FZD3: variants seen among roughly 807,000 people sequenced by gnomAD.
FZD3 encodes frizzled class receptor 3.
Under a neutral mutation model 60.7 loss-of-function variants are expected in FZD3, and 30 were observed. The observed-to-expected ratio is 0.49, with a 90% confidence interval of 0.37 to 0.67. The LOEUF (loss-of-function observed/expected upper bound fraction) is 0.67. Among genes scored for constraint, FZD3 ranks in the 30% least tolerant of loss-of-function variants. FZD3 has a pLI of 0.00. For synonymous variants in FZD3, 246 were observed against 275.2 expected (o/e 0.89, Z 1.05); for missense variants, 605 against 838.7 (o/e 0.72, Z 3.44).
intron 7 of FZD3, among the ~76,000 whole-genome samples, chr8:28,557,977 A>G (rs1805543438): frequency 6.6e-6 from 1 of 152,212 alleles, no homozygotes; most frequent in Admixed American, 6.5e-5. Flanking sequence ...AAGAGATGGC[A>G]CTTCTACATT....
chr8:28,532,410 C>T (rs1306198564), intron 5 of FZD3, among the ~76,000 whole-genome samples: 2 of 152,090 alleles, frequency 1.3e-5, no homozygotes, highest in Non-Finnish European at 2.9e-5. Context: ...TGATGGTGTA[C>T]AGGCATGCCA....
intron 7 of FZD3, among the ~76,000 whole-genome samples, chr8:28,558,223 A>T (rs910185300): frequency 6.6e-6 from 1 of 152,208 alleles, no homozygotes; most frequent in African/African-American, 2.4e-5. Flanking sequence ...TAGAAAAATC[A>T]CTTGGCAATA....
rs1804740380 is a variant in FZD3, at chr8:28,527,362, T to C, written c.602T>C (p.Phe201Ser). 2.5e-6 allele frequency: 4 copies of C among 1,613,698 alleles called. No individual in the cohort carries two copies. The Admixed American group carries it at 5.0e-5, about 20-fold the overall frequency. ...TACTTCAGAAGAGAAGAACTGTCATTTGCTCGCTATTTCATAGGATTGATT... is the reference window on the plus strand; with the variant it reads ...TACTTCAGAAGAGAAGAACTGTCATCTGCTCGCTATTTCATAGGATTGATT... ...NMYFRREELS[F>S]ARYFIGLISI... Residue 201 changes from phenylalanine (F) to serine (S), a missense_variant, in exon 5 of 8, where the codon TTT becomes TCT. Transcript: ENST00000240093. This position sits in a 1 kb window ranked among gnomAD's most constrained non-coding sequence, Gnocchi z 5.0.
intron 3 of FZD3, among the ~76,000 whole-genome samples, chr8:28,507,974 C>T (rs1014835940): frequency 4.6e-5 from 7 of 152,112 alleles, no homozygotes; most frequent in Admixed American, 2.6e-4. Context: ...TCACTGTAGC[C>T]TGAAGCTCCT....
rs1049363571 is a variant in FZD3 at position 28,569,397 on chromosome 8, G to A, written c.*6386G>A. 4.6e-5 allele frequency: 7 copies of A among 151,424 alleles called. No individual in the cohort carries two copies. The highest frequency in any genetic ancestry group is 1.7e-4 in the African/African-American group (7 of 41,186). 9.4% of individuals were successfully genotyped at this position (151,424 alleles called of 1,614,324 possible). A position where few individuals can be genotyped will look rare whatever the true frequency, so the allele number is the denominator to read the frequency against. ...AGTTAGCTGTGTAACTTTGGATAAG[G>A]CATTTTATCTCGTGGTGCCTCCATT... On this transcript the variant is annotated 3_prime_UTR_variant, in exon 8 of 8. Coordinates refer to ENST00000240093, the MANE Select transcript of FZD3 (RefSeq NM_017412.4).
chr8:28,495,885 A>G (rs563311002), intron 1 of FZD3, among the ~76,000 whole-genome samples: 1 of 152,236 alleles, frequency 6.6e-6, no homozygotes, highest in Non-Finnish European at 1.5e-5. Flanking sequence ...TAGGAAAATA[A>G]GTAAATTACT....
intron 3 of FZD3, among the ~76,000 whole-genome samples, chr8:28,506,474 C>G (rs866005259): frequency 3.3e-5 from 5 of 152,188 alleles, no homozygotes; most frequent in African/African-American, 7.2e-5. Context: ...TTCTTTGTTG[C>G]CTGTCACCCT....
chr8:28,540,274 G>A (rs557409749), intron 5 of FZD3, among the ~76,000 whole-genome samples: 184 of 152,284 alleles, frequency 1.2e-3, no homozygotes, highest in Middle Eastern at 3.4e-3. Context: ...CTGTTACCCA[G>A]GCTGGAGTGC....
At position 28,529,494 on chromosome 8, in the gene FZD3, A is replaced by G. The variant is rs139326643; in HGVS notation, c.1404+1330A>G. ...TAAAGACATTCTGTAGATGATAGTA[A>G]TGATATTGTGGGTATATTGCTTGAG... is the stretch of plus-strand genomic sequence containing the variant. On this transcript the variant is annotated intron_variant, in intron 5 of 7. Coordinates refer to ENST00000240093, the MANE Select transcript of FZD3 (RefSeq NM_017412.4). Among the ~76,000 whole-genome samples the G allele has an allele frequency of 5.3e-3, 812 of 152,298 alleles. 6 individuals are homozygous for G. The highest frequency in any genetic ancestry group is 0.018 in the African/African-American group (753 of 41,562).
chr8:28,531,409 A>G (rs1285037640), intron 5 of FZD3, among the ~76,000 whole-genome samples: 2 of 152,136 alleles, frequency 1.3e-5, no homozygotes, highest in Non-Finnish European at 2.9e-5. Context: ...TCATTTATTG[A>G]TGAATTATAT....
At chr8:28,543,086 T>C (rs938197603) in intron 5 of FZD3, among the ~76,000 whole-genome samples, 1 of 152,324 alleles carries the variant, frequency 6.6e-6, no homozygotes, top group African/African-American at 2.4e-5. Flanking sequence ...AAAAAGTGAT[T>C]TGACTTATGT....
At chr8:28,520,876 C>T (rs372232529) in intron 4 of FZD3, 42 bp downstream of exon 4, 27 of 1,317,762 alleles carry the variant, frequency 2.0e-5, no homozygotes, top group Non-Finnish European at 2.6e-5. Flanking sequence ...TCTTATGTTG[C>T]AATATGTTTA....
At position 28,533,774 on chromosome 8, in the gene FZD3, A is replaced by AT. The variant is rs918662204; in HGVS notation, c.1404+5619dup. Among the ~76,000 whole-genome samples, 34 of 151,420 alleles carry AT rather than the reference A, an allele frequency of 2.2e-4. No individual in the cohort carries two copies. In the East Asian group the frequency reaches 2.7e-3, roughly 12 times the overall value. On this transcript the variant is annotated intron_variant, in intron 5 of 7. Transcript: ENST00000240093. The stretch of plus-strand genomic sequence containing the variant: ...GTTTTAAAAATTCCCTCCAACGTGT[A>AT]TTTTTTTTTCTAGGATTTCCTTTCT...
intron 2 of FZD3, among the ~76,000 whole-genome samples, chr8:28,501,899 AT>A (rs1182161264): frequency 6.6e-6 from 1 of 152,238 alleles, no homozygotes; most frequent in Admixed American, 6.5e-5. Flanking sequence ...TGTCTAAAAA[AT>A]AATATAATAT....
At chr8:28,524,542 G>T (rs570668057) in intron 4 of FZD3, among the ~76,000 whole-genome samples, 4 of 152,042 alleles carry the variant, frequency 2.6e-5, no homozygotes, top group African/African-American at 9.7e-5. Flanking sequence ...AAATGATTCA[G>T]TCCATCATGT....
At chr8:28,532,620 G>T (rs770976895) in intron 5 of FZD3, among the ~76,000 whole-genome samples, 1 of 151,740 alleles carries the variant, frequency 6.6e-6, no homozygotes, top group East Asian at 1.9e-4. Context: ...TAGAGATGGG[G>T]TCTCCCTGTG....
At position 28,524,832 on chromosome 8, in the gene FZD3, A is replaced by T. The variant is rs1334032869; in HGVS notation, c.387-2315A>T. ...AACCTATATCCAGTAGCCATTGGAAATCTGGCCTCGGTTTGTCTCCACGAC... is the reference window on the plus strand; with the variant it reads ...AACCTATATCCAGTAGCCATTGGAATTCTGGCCTCGGTTTGTCTCCACGAC... On this transcript the variant is annotated intron_variant, in intron 4 of 7. Coordinates refer to ENST00000240093, the MANE Select transcript of FZD3 (RefSeq NM_017412.4). 5.3e-5 allele frequency among the ~76,000 whole-genome samples: 8 copies of T among 152,316 alleles called. No homozygotes were observed. In the East Asian group the frequency reaches 1.4e-3, roughly 26 times the overall value.
At chr8:28,515,176 C>CA (rs1348806121) in intron 3 of FZD3, among the ~76,000 whole-genome samples, 5 of 152,140 alleles carry the variant, frequency 3.3e-5, no homozygotes, top group Admixed American at 3.3e-4. Context: ...GCATTTTGAA[C>CA]AGTGCTTGTG....
In FZD3 at chr8:28,519,458, G is replaced by A. The variant is rs1021422739; in HGVS notation, c.190-1180G>A. Among the ~76,000 whole-genome samples, 10 of 152,202 alleles carry A rather than the reference G, an allele frequency of 6.6e-5. No individual in the cohort carries two copies. In the East Asian group the frequency reaches 1.9e-3, roughly 29 times the overall value. On this transcript the variant is annotated intron_variant, in intron 3 of 7. Coordinates refer to ENST00000240093, the MANE Select transcript of FZD3 (RefSeq NM_017412.4). ...TCTGTTTAAAATTTGAAAAAGGCATGGTGGCTCATGCCTGTAATCCCAGCA... is the reference window on the plus strand; with the variant it reads ...TCTGTTTAAAATTTGAAAAAGGCATAGTGGCTCATGCCTGTAATCCCAGCA...
Sources: gnomAD v4.1 joint callset for allele counts (sites outside exome capture counted in the v4.1 genomes callset) on GRCh38, gnomAD v4.1.1 for gene constraint, Gnocchi (gnomAD v3.1) non-coding constraint, MANE v1.5 for transcripts, NCBI Gene and HGNC (gene_info 2026-07-23, HGNC 2026-07-21) for gene names.